The following SPATS2L variants were observed in gnomAD, a reference collection of about 807,000 sequenced individuals.
SPATS2L encodes SPATS2-like protein.
SPATS2L carries 30 observed loss-of-function variants against 59.6 expected under a neutral mutation model. That is an observed-to-expected ratio of 0.50 (90% CI 0.38 to 0.68). The LOEUF (loss-of-function observed/expected upper bound fraction) is 0.68, where lower values mean the gene tolerates loss of function less well. SPATS2L is among the 30% of genes least tolerant of loss of function. The pLI is 0.00. For synonymous variants in SPATS2L, 252 were observed against 263.5 expected (o/e 0.96, Z 0.42); for missense variants, 615 against 700.0 (o/e 0.88, Z 1.37).
chr2:200,432,934 G>C (rs933325481), intron 6 of SPATS2L, among the ~76,000 whole-genome samples: 11 of 152,146 alleles, frequency 7.2e-5, no homozygotes, highest in East Asian at 3.9e-4. Flanking sequence ...GAGCCTCAGT[G>C]ACTTAAGGAA....
intron 12 of SPATS2L, among the ~76,000 whole-genome samples, chr2:200,475,979 A>G (rs2087490149): frequency 6.6e-6 from 1 of 152,200 alleles, no homozygotes; most frequent in African/African-American, 2.4e-5. Context: ...ATCCTCATCT[A>G]TAAAACGAAG....
At chr2:200,355,481 A>C (rs2080884226) in intron 2 of SPATS2L, among the ~76,000 whole-genome samples, 1 of 152,234 alleles carries the variant, frequency 6.6e-6, no homozygotes. Context: ...GTCAAGCTAT[A>C]GCAACCACAC....
At chr2:200,387,481 G>C (rs2082027790) in intron 2 of SPATS2L, among the ~76,000 whole-genome samples, 1 of 152,174 alleles carries the variant, frequency 6.6e-6, no homozygotes, top group Admixed American at 6.5e-5. Context: ...TTGATAATTT[G>C]TCTCTCTGGA....
intron 5 of SPATS2L, among the ~76,000 whole-genome samples, chr2:200,416,952 C>G (rs548332509): frequency 5.9e-5 from 9 of 152,270 alleles, no homozygotes; most frequent in African/African-American, 1.9e-4. Flanking sequence ...CTTTCTTGAA[C>G]ACTGGCGTAC....
chr2:200,357,567 T>C (rs967796768), intron 2 of SPATS2L, among the ~76,000 whole-genome samples: 1 of 152,176 alleles, frequency 6.6e-6, no homozygotes, highest in South Asian at 2.1e-4. Context: ...ATGCCTCTTT[T>C]CTTAGATTAT....
At chr2:200,405,847 T>C (rs2082671772) in intron 3 of SPATS2L, among the ~76,000 whole-genome samples, 1 of 152,156 alleles carries the variant, frequency 6.6e-6, no homozygotes, top group Admixed American at 6.5e-5. Flanking sequence ...CCTCCAAGAT[T>C]GCAAGCTTCT....
chr2:200,392,651 G>A (rs902333180), intron 3 of SPATS2L, among the ~76,000 whole-genome samples: 3 of 152,120 alleles, frequency 2.0e-5, no homozygotes, highest in Non-Finnish European at 4.4e-5. Flanking sequence ...TTTTGGTTCT[G>A]TGGTTGGTTG....
intron 6 of SPATS2L, among the ~76,000 whole-genome samples, chr2:200,428,907 T>A (rs981496893): frequency 6.6e-6 from 1 of 152,194 alleles, no homozygotes; most frequent in Admixed American, 6.5e-5. Flanking sequence ...CCACCAAAAC[T>A]ACCATCCTCA....
chr2:200,414,089 C>T (rs1042491528), intron 4 of SPATS2L, among the ~76,000 whole-genome samples: 3 of 152,114 alleles, frequency 2.0e-5, no homozygotes, highest in Admixed American at 2.0e-4. Flanking sequence ...CCCCATTCCT[C>T]CCTACCCCCA....
At chr2:200,325,875 T>C (rs562573485) in intron 1 of SPATS2L, among the ~76,000 whole-genome samples, 1 of 152,302 alleles carries the variant, frequency 6.6e-6, no homozygotes, top group South Asian at 2.1e-4. Context: ...TACTATGTGT[T>C]ATCAGAAAAG....
chr2:200,477,284 A>C (rs867913835), intron 12 of SPATS2L, among the ~76,000 whole-genome samples: 17 of 152,152 alleles, frequency 1.1e-4, no homozygotes, highest in African/African-American at 4.1e-4. Flanking sequence ...TCTCCATAGT[A>C]GAGGATCATC....
intron 8 of SPATS2L, among the ~76,000 whole-genome samples, chr2:200,443,470 G>A (rs1247029696): frequency 6.6e-6 from 1 of 152,158 alleles, no homozygotes; most frequent in African/African-American, 2.4e-5. Flanking sequence ...GAGGACATGG[G>A]ATAAGTCCTG....
intron 10 of SPATS2L, among the ~76,000 whole-genome samples, chr2:200,469,209 A>G (rs2086846408): frequency 6.6e-6 from 1 of 152,224 alleles, no homozygotes; most frequent in Non-Finnish European, 1.5e-5. Context: ...CATTGCCCTC[A>G]GTAGGAAATA....
At chr2:200,457,230 ACACAC>A (rs2085906398) in intron 8 of SPATS2L, among the ~76,000 whole-genome samples, 1 of 7,042 alleles carries the variant, frequency 1.4e-4, no homozygotes, top group Non-Finnish European at 1.8e-3. Context: ...ACATACACAC[ACACAC>A]ACACACACAC....
chr2:200,360,061 A>G (rs1224220741), intron 2 of SPATS2L, among the ~76,000 whole-genome samples: 4 of 152,348 alleles, frequency 2.6e-5, no homozygotes, highest in Non-Finnish European at 5.9e-5. Flanking sequence ...GTGATATATT[A>G]ATACAGAAGC....
intron 2 of SPATS2L, among the ~76,000 whole-genome samples, chr2:200,369,099 G>T (rs62279291): frequency 6.7e-5 from 10 of 149,194 alleles, no homozygotes; most frequent in Non-Finnish European, 7.4e-5. Flanking sequence ...AAAAAGAAGA[G>T]AGTTATGGCT....
At chr2:200,334,649 T>C (rs1168632002) in intron 2 of SPATS2L, among the ~76,000 whole-genome samples, 2 of 151,908 alleles carry the variant, frequency 1.3e-5, no homozygotes, top group African/African-American at 4.8e-5. Context: ...GTTTTAGGTC[T>C]AACATTTAAG....
At chr2:200,364,736 A>G (rs2081215692) in intron 2 of SPATS2L, among the ~76,000 whole-genome samples, 1 of 152,174 alleles carries the variant, frequency 6.6e-6, no homozygotes, top group African/African-American at 2.4e-5. Context: ...GACTGCAGGA[A>G]TGTCTGAAGG....
rs943316931 is a variant in SPATS2L at position 200,329,483 on chromosome 2, G to A, written c.-23+3G>A. 8 of 1,550,156 alleles carry A rather than the reference G, an allele frequency of 5.2e-6. No homozygotes were observed. The African/African-American group carries it at 6.8e-5, about 13-fold the overall frequency. On this transcript the variant is annotated splice_donor_region_variant and intron_variant, in intron 2 of 12. Transcript: ENST00000409140. ...GGAACATTGCTGTGGATTCCCAGGT[G>A]AGTAGAGATGGTCCTTCCCTCTCTG... is the stretch of plus-strand genomic sequence containing the variant.
Sources: gnomAD v4.1 joint callset for allele counts (sites outside exome capture counted in the v4.1 genomes callset) on GRCh38, gnomAD v4.1.1 for gene constraint, MANE v1.5 for transcripts, NCBI Gene and HGNC (gene_info 2026-07-23, HGNC 2026-07-21) for gene names.